R3HDM2: variants seen among roughly 807,000 people sequenced by gnomAD.
The protein encoded by R3HDM2 is R3H domain containing 2, also known as R3H domain-containing protein 2.
In R3HDM2, 38 loss-of-function variants were observed where a neutral mutation model predicts 124.5. The observed-to-expected ratio is 0.31, with a 90% CI of 0.24 to 0.40. The LOEUF (loss-of-function observed/expected upper bound fraction) is 0.40, where lower values mean the gene tolerates loss of function less well. Among genes scored for constraint, R3HDM2 ranks in the 10% least tolerant of loss-of-function variants. The pLI, the probability that R3HDM2 is intolerant of heterozygous loss-of-function variation, is 1.00. For missense variants in R3HDM2, 869 were observed against 1,236.9 expected (o/e 0.70, Z 4.46); for synonymous variants, 391 against 448.0 (o/e 0.87, Z 1.61).
intron 8 of R3HDM2, 38 bp downstream of exon 8, chr12:57,297,289 CT>C: frequency 8.9e-7 from 1 of 1,129,172 alleles, no homozygotes; most frequent in Non-Finnish European, 1.3e-6. Context: ...CCAGTGCCCC[CT>C]CCCACCTCTA....
rs559498124 is a variant in R3HDM2 at position 57,328,169 on chromosome 12, T to G, written c.-35-17706A>C. 6.6e-5 allele frequency among the ~76,000 whole-genome samples: 10 copies of G among 151,486 alleles called. No individual in the cohort carries two copies. In the East Asian group the frequency reaches 2.0e-3, roughly 30 times the overall value. ...TCACTGCAGCCTCAAACTCCCAGGC[T>G]CAGGCGATCCTCCCGCCTCAACCTC... On this transcript the variant is annotated intron_variant, in intron 2 of 23. Transcript: ENST00000402412.
At chr12:57,384,143 C>T (rs1470055305) in intron 2 of R3HDM2, among the ~76,000 whole-genome samples, 2 of 152,014 alleles carry the variant, frequency 1.3e-5, no homozygotes, top group African/African-American at 2.4e-5. Flanking sequence ...GGGTGGATCA[C>T]GAGGTCAGGA....
At position 57,260,221 on chromosome 12, in the gene R3HDM2, G is replaced by A. The variant is rs1280903907; in HGVS notation, c.2132-1162C>T. ...CGAGGCTGCAGTGAGCCGTGATTATGCCATTGCACTCCAGACTGGGTGACA... is the reference window on the plus strand; with the variant it reads ...CGAGGCTGCAGTGAGCCGTGATTATACCATTGCACTCCAGACTGGGTGACA... On this transcript the variant is annotated intron_variant, in intron 19 of 23. Transcript: ENST00000402412. Among the ~76,000 whole-genome samples, 3 of 127,378 alleles carry A rather than the reference G, an allele frequency of 2.4e-5. No individual in the cohort carries two copies. In the East Asian group the frequency reaches 7.4e-4, roughly 32 times the overall value. The allele number at this position is 127,378 out of a possible 152,430, so 83.6% of individuals were successfully genotyped here.
chr12:57,274,341 G>A (rs2044224706), intron 14 of R3HDM2, among the ~76,000 whole-genome samples: 1 of 152,126 alleles, frequency 6.6e-6, no homozygotes, highest in Non-Finnish European at 1.5e-5. Context: ...GCGCATGGTG[G>A]CACATGCCTG....
chr12:57,355,484 A>G (rs566722706), intron 2 of R3HDM2, among the ~76,000 whole-genome samples: 61 of 151,812 alleles, frequency 4.0e-4, no homozygotes, highest in Non-Finnish European at 8.4e-4. Flanking sequence ...AAAGAAAAAA[A>G]AAAGAAAGAA....
At chr12:57,275,495 T>C (rs1349501862) in intron 14 of R3HDM2, among the ~76,000 whole-genome samples, 1 of 124,430 alleles carries the variant, frequency 8.0e-6, no homozygotes, top group Admixed American at 8.6e-5. Flanking sequence ...AAAAAACGTT[T>C]GCATGGAAAA....
chr12:57,410,332 A>C (rs1043595742), intron 1 of R3HDM2, among the ~76,000 whole-genome samples: 80 of 151,732 alleles, frequency 5.3e-4, no homozygotes, highest in Non-Finnish European at 8.5e-4. Context: ...AAAAAAAAAA[A>C]AAAAAAAAAA....
At chr12:57,419,445 CTTT>C (rs34978677) in intron 1 of R3HDM2, among the ~76,000 whole-genome samples, 1 of 144,020 alleles carries the variant, frequency 6.9e-6, no homozygotes, top group Non-Finnish European at 1.5e-5. Context: ...ATCTGGCCAT[CTTT>C]TTTTTTTTTT....
intron 1 of R3HDM2, among the ~76,000 whole-genome samples, chr12:57,417,620 C>T (rs1000680959): frequency 1.3e-5 from 2 of 152,100 alleles, no homozygotes; most frequent in African/African-American, 4.8e-5. Context: ...TATGTCTTGG[C>T]AACTTACAGG....
In R3HDM2 at chr12:57,395,477, T is replaced by A. The variant is rs12230370; in HGVS notation, c.-36+272A>T. 2.5e-3 allele frequency among the ~76,000 whole-genome samples: 374 copies of A among 152,036 alleles called. 3 individuals carry two copies. In the East Asian group the frequency reaches 0.042, roughly 17 times the overall value. On this transcript the variant is annotated intron_variant, in intron 2 of 23. Transcript: ENST00000402412. ...GAGATGGCGCCACTGCACTCCAGCC[T>A]TGGCAAAAAGAGCAAAACTTCATCT...
At chr12:57,255,921 G>A in intron 23 of R3HDM2, 69 bp downstream of exon 23, 1 of 1,411,606 alleles carries the variant, frequency 7.1e-7, no homozygotes, top group South Asian at 1.3e-5. Context: ...TCCCACCCAT[G>A]CTGGACTGGT....
intron 2 of R3HDM2, among the ~76,000 whole-genome samples, chr12:57,330,340 G>C (rs1430226029): frequency 6.6e-6 from 1 of 151,172 alleles, no homozygotes; most frequent in African/African-American, 2.4e-5. Context: ...TTTGCTGAAT[G>C]CATTTATTCT....
Position 57,401,617 on chromosome 12 carries a change from G to A in R3HDM2, c.-105-5799C>T, listed in dbSNP as rs1365666938. Among the ~76,000 whole-genome samples, 4 of 152,308 alleles carry A rather than the reference G, an allele frequency of 2.6e-5. No individual in the cohort carries two copies. The East Asian group carries it at 7.7e-4, about 29-fold the overall frequency. ...AGATTTATTACGAATGATAAAAATC[G>A]AGCTCTCAAGTGAAAATCAGAATTT... On this transcript the variant is annotated intron_variant, in intron 1 of 23. Transcript: ENST00000402412.
chr12:57,356,799 T>A (rs2061345623), intron 2 of R3HDM2, among the ~76,000 whole-genome samples: 1 of 152,242 alleles, frequency 6.6e-6, no homozygotes, highest in Non-Finnish European at 1.5e-5. Flanking sequence ...TTTCATGAAA[T>A]GTGTCCATTT....
chr12:57,428,504 T>TGGTGGGGGGCGC (rs1868568655), intron 1 of R3HDM2, among the ~76,000 whole-genome samples: 1 of 5,586 alleles, frequency 1.8e-4, no homozygotes, highest in Non-Finnish European at 3.6e-4. Flanking sequence ...GTGGGGGGTG[T>TGGTGGGGGGCGC]GGTGGGGGGC....
intron 2 of R3HDM2, among the ~76,000 whole-genome samples, chr12:57,381,001 G>A (rs773309194): frequency 7.2e-5 from 11 of 151,928 alleles, no homozygotes; most frequent in Admixed American, 1.3e-4. Context: ...AGGCAGAGAC[G>A]GAAGGATCAC....
At chr12:57,346,555 T>C (rs1593658199) in intron 2 of R3HDM2, among the ~76,000 whole-genome samples, 2 of 152,316 alleles carry the variant, frequency 1.3e-5, no homozygotes, top group South Asian at 2.1e-4. Flanking sequence ...CAGTATTCTA[T>C]ATCTAGAGAA....
chr12:57,354,467 T>C (rs2061031915), intron 2 of R3HDM2, among the ~76,000 whole-genome samples: 1 of 151,788 alleles, frequency 6.6e-6, no homozygotes, highest in Non-Finnish European at 1.5e-5. Context: ...TAATTTTTTG[T>C]ATTTTTAGTA....
At chr12:57,290,943 C>T (rs2048446948) in intron 11 of R3HDM2, among the ~76,000 whole-genome samples, 1 of 152,154 alleles carries the variant, frequency 6.6e-6, no homozygotes, top group African/African-American at 2.4e-5. Flanking sequence ...CCAACCTGTT[C>T]CGTACACAAC....
Sources: gnomAD v4.1 joint callset for allele counts (sites outside exome capture counted in the v4.1 genomes callset) on GRCh38, gnomAD v4.1.1 for gene constraint, MANE v1.5 for transcripts, NCBI Gene and HGNC (gene_info 2026-07-23, HGNC 2026-07-21) for gene names.